ADGRL3: variants seen among roughly 807,000 people sequenced by gnomAD.
ADGRL3 encodes the protein adhesion G protein-coupled receptor L3, also known as calcium-independent alpha-latrotoxin receptor 3.
In ADGRL3, 62 loss-of-function variants were observed where a neutral mutation model predicts 153.5. The observed-to-expected ratio is 0.40, with a 90% CI of 0.33 to 0.50. ADGRL3 has a LOEUF of 0.50. Ranked by LOEUF, ADGRL3 falls within the 20% of genes least tolerant of loss-of-function variation. The pLI, the probability that ADGRL3 is intolerant of heterozygous loss-of-function variation, is 0.47. For synonymous variants in ADGRL3, 710 were observed against 672.5 expected (o/e 1.06, Z -0.86); for missense variants, 1,641 against 1,859.4 (o/e 0.88, Z 2.16).
rs1251118593 is a variant in ADGRL3 at position 61,672,135 on chromosome 4, A to G, written c.474-4691A>G. ...TATTCCCCCAAAATTGCCCAGATCA[A>G]TTTTAAGAAGGTTTTTACCTATGTT... is the stretch of plus-strand genomic sequence containing the variant. On this transcript the variant is annotated intron_variant, in intron 5 of 26. Coordinates refer to ENST00000683033, the MANE Select transcript of ADGRL3 (RefSeq NM_001387552.1). Among the ~76,000 whole-genome samples, 5 of 152,086 alleles carry G rather than the reference A, an allele frequency of 3.3e-5. 1 individual carries two copies. Among genetic ancestry groups the G allele is most frequent in the South Asian group, 2.1e-4 (1 of 4,824 alleles).
intron 2 of ADGRL3, among the ~76,000 whole-genome samples, chr4:61,435,547 A>T (rs550534963): frequency 2.6e-5 from 4 of 152,104 alleles, no homozygotes; most frequent in Non-Finnish European, 4.4e-5. Flanking sequence ...CTGTATATAG[A>T]CTCAGCAGGT....
intron 8 of ADGRL3, among the ~76,000 whole-genome samples, chr4:61,743,247 G>A (rs1218867786): frequency 6.7e-6 from 1 of 149,358 alleles, no homozygotes; most frequent in Non-Finnish European, 1.5e-5. Context: ...GTGAACCCAG[G>A]AGGCGGAGCT....
chr4:61,826,647 A>G (rs963859032), intron 9 of ADGRL3, among the ~76,000 whole-genome samples: 5 of 152,172 alleles, frequency 3.3e-5, no homozygotes, highest in Admixed American at 1.3e-4. Context: ...GGGTTTTTAC[A>G]TAGAGTACTA....
intron 6 of ADGRL3, among the ~76,000 whole-genome samples, chr4:61,713,626 A>C (rs2096047620): frequency 6.6e-6 from 1 of 151,410 alleles, no homozygotes; most frequent in African/African-American, 2.4e-5. Context: ...AGGATTTTCT[A>C]CTCCTTTACA....
Position 61,460,323 on chromosome 4 carries a change from G to T in ADGRL3, c.-173-36798G>T, listed in dbSNP as rs1000677556. 3.9e-5 allele frequency among the ~76,000 whole-genome samples: 6 copies of T among 152,008 alleles called. No homozygotes were observed. The East Asian group carries it at 7.7e-4, about 20-fold the overall frequency. ...TTCCCAGAACCACTTATTGAAGAGGGTGTCCTTTCCCCAACGTATATACAG... is the reference window on the plus strand; with the variant it reads ...TTCCCAGAACCACTTATTGAAGAGGTTGTCCTTTCCCCAACGTATATACAG... On this transcript the variant is annotated intron_variant, in intron 2 of 26. Coordinates refer to ENST00000683033, the MANE Select transcript of ADGRL3 (RefSeq NM_001387552.1).
At chr4:61,803,445 G>GAT (rs2097522911) in intron 8 of ADGRL3, among the ~76,000 whole-genome samples, 3 of 152,104 alleles carry the variant, frequency 2.0e-5, no homozygotes. Flanking sequence ...TGGAGTCTGT[G>GAT]ATATGAGAGA....
At chr4:61,913,406 T>A (rs184576689) in intron 13 of ADGRL3, among the ~76,000 whole-genome samples, 10 of 152,258 alleles carry the variant, frequency 6.6e-5, no homozygotes, top group African/African-American at 2.4e-4. Context: ...TTTGTTTTGT[T>A]TTATAAGAAA....
chr4:61,257,262 A>T (rs555981650), intron 1 of ADGRL3, among the ~76,000 whole-genome samples: 1 of 152,304 alleles, frequency 6.6e-6, no homozygotes, highest in African/African-American at 2.4e-5. Context: ...GTAGTCTGTG[A>T]TAGATCACAA....
chr4:61,408,932 C>A (rs1378831696), intron 2 of ADGRL3, among the ~76,000 whole-genome samples: 1 of 151,500 alleles, frequency 6.6e-6, no homozygotes, highest in Non-Finnish European at 1.5e-5. Flanking sequence ...GCTGTTGATT[C>A]TTTAGATTAA....
chr4:62,068,024 A>G (rs961384388), intron 25 of ADGRL3, 142 bp from the exon 26 acceptor site: 1 of 502,320 alleles, frequency 2.0e-6, no homozygotes. Flanking sequence ...ACCCAGACTC[A>G]TGAATTTTGG....
chr4:61,311,969 G>A (rs973544897), intron 1 of ADGRL3, among the ~76,000 whole-genome samples: 1 of 152,080 alleles, frequency 6.6e-6, no homozygotes, highest in Admixed American at 6.6e-5. Context: ...AATAATGGGG[G>A]AGGCTATGCA....
At chr4:61,711,306 A>T (rs1236300726) in intron 6 of ADGRL3, among the ~76,000 whole-genome samples, 1 of 151,498 alleles carries the variant, frequency 6.6e-6, no homozygotes. Flanking sequence ...GTTATAAATG[A>T]TGTTTAGTTT....
chr4:61,780,060 C>T (rs2097196908), intron 8 of ADGRL3, among the ~76,000 whole-genome samples: 1 of 152,152 alleles, frequency 6.6e-6, no homozygotes, highest in Admixed American at 6.5e-5. Flanking sequence ...GAATTTGTAT[C>T]TTAGCATGAG....
intron 7 of ADGRL3, among the ~76,000 whole-genome samples, chr4:61,731,335 C>T (rs894103570): frequency 2.6e-5 from 4 of 152,116 alleles, no homozygotes; most frequent in African/African-American, 9.6e-5. Flanking sequence ...TTTTCCATTG[C>T]ATCTATGCTT....
At chr4:61,771,864 C>T (rs949823922) in intron 8 of ADGRL3, among the ~76,000 whole-genome samples, 2 of 152,180 alleles carry the variant, frequency 1.3e-5, no homozygotes, top group African/African-American at 4.8e-5. Flanking sequence ...TCCAGTGCCA[C>T]TACCAAAGAT....
intron 9 of ADGRL3, among the ~76,000 whole-genome samples, chr4:61,884,335 C>G (rs774682408): frequency 6.6e-5 from 10 of 152,178 alleles, no homozygotes; most frequent in Non-Finnish European, 1.2e-4. Flanking sequence ...TATGTAACCT[C>G]TCTGTGCCTC....
At chr4:61,909,130 G>C (rs2098710184) in intron 11 of ADGRL3, among the ~76,000 whole-genome samples, 1 of 152,180 alleles carries the variant, frequency 6.6e-6, no homozygotes, top group Non-Finnish European at 1.5e-5. Flanking sequence ...CTTAGTAGCT[G>C]ATGAGTATTC....
At chr4:61,320,831 G>A (rs1445983429) in intron 1 of ADGRL3, among the ~76,000 whole-genome samples, 2 of 152,150 alleles carry the variant, frequency 1.3e-5, no homozygotes, top group Admixed American at 6.5e-5. Context: ...TCTTCTGGTG[G>A]TCAGATGCCT....
At chr4:61,396,380 T>G (rs1047295726) in intron 2 of ADGRL3, among the ~76,000 whole-genome samples, 3 of 151,934 alleles carry the variant, frequency 2.0e-5, no homozygotes, top group Non-Finnish European at 1.5e-5. Context: ...TTACCTTTGT[T>G]GATAATGCCA....
Sources: allele counts gnomAD v4.1 joint callset (sites outside exome capture counted in the v4.1 genomes callset), GRCh38; gene constraint gnomAD v4.1.1; transcripts MANE v1.5; gene names NCBI Gene and HGNC (gene_info 2026-07-23, HGNC 2026-07-21).